ROBO1: variants seen among roughly 807,000 people sequenced by gnomAD.
ROBO1 encodes the protein roundabout guidance receptor 1.
Under a neutral mutation model 195.9 loss-of-function variants are expected in ROBO1, and 149 were observed. That is an observed-to-expected ratio of 0.76 (90% confidence interval 0.67 to 0.87). ROBO1 has a LOEUF of 0.87. ROBO1 is among the 40% of genes least tolerant of loss of function. ROBO1 has a pLI of 0.00. For synonymous variants in ROBO1, 816 were observed against 733.2 expected (o/e 1.11, Z -1.82); for missense variants, 1,933 against 2,068.3 (o/e 0.93, Z 1.27).
chr3:79,388,933 C>T lies in ROBO1; in HGVS notation c.88+200891G>A, dbSNP rs78110165. Among the ~76,000 whole-genome samples, 168 of 152,068 alleles carry T rather than the reference C, an allele frequency of 1.1e-3. 3 individuals carry two copies. The East Asian group carries it at 0.025, about 23-fold the overall frequency. ...ATAAATCTTTAAAAATTAAAAACAA[C>T]GTATTTGTTAATGCCAGCATAATTT... is the stretch of plus-strand genomic sequence containing the variant. On this transcript the variant is annotated intron_variant, in intron 2 of 30. Transcript: ENST00000464233.
At chr3:78,997,532 G>A (rs972131848) in intron 3 of ROBO1, among the ~76,000 whole-genome samples, 3 of 152,088 alleles carry the variant, frequency 2.0e-5, no homozygotes, top group African/African-American at 7.2e-5. Context: ...ATTGAAGCAG[G>A]AGACACTGTA....
intron 2 of ROBO1, among the ~76,000 whole-genome samples, chr3:79,543,851 G>T (rs1156537970): frequency 6.6e-6 from 1 of 152,062 alleles, no homozygotes; most frequent in African/African-American, 2.4e-5. Flanking sequence ...GTACTTATGT[G>T]TATGCAAATG....
intron 2 of ROBO1, among the ~76,000 whole-genome samples, chr3:79,148,324 A>C (rs971735935): frequency 6.6e-6 from 1 of 151,864 alleles, no homozygotes; most frequent in African/African-American, 2.4e-5. Context: ...AATATTATAA[A>C]AAGTATACCA....
At chr3:79,296,385 C>T (rs970794573) in intron 2 of ROBO1, among the ~76,000 whole-genome samples, 2 of 152,048 alleles carry the variant, frequency 1.3e-5, no homozygotes, top group East Asian at 3.9e-4. Context: ...GATATACAAA[C>T]CTTAAATAAT....
At chr3:79,707,063 C>T (rs1947794290) in intron 1 of ROBO1, among the ~76,000 whole-genome samples, 1 of 152,060 alleles carries the variant, frequency 6.6e-6, no homozygotes, top group South Asian at 2.1e-4. Context: ...CTAAGAAAGA[C>T]TGTAGAGAAC....
At chr3:79,496,039 C>G (rs1281588774) in intron 2 of ROBO1, among the ~76,000 whole-genome samples, 2 of 151,662 alleles carry the variant, frequency 1.3e-5, no homozygotes, top group Admixed American at 1.3e-4. Context: ...ATGGTGAAAC[C>G]CCGTCTCTAC....
chr3:79,227,468 T>C (rs1202925270), intron 2 of ROBO1, among the ~76,000 whole-genome samples: 1 of 152,168 alleles, frequency 6.6e-6, no homozygotes, highest in Non-Finnish European at 1.5e-5. Context: ...ATCCATATAT[T>C]TCAGAGAATA....
At chr3:78,860,184 T>TAGAA (rs1553750311) in intron 4 of ROBO1, among the ~76,000 whole-genome samples, 2 of 147,706 alleles carry the variant, frequency 1.4e-5, no homozygotes, top group Non-Finnish European at 3.0e-5. Context: ...GATAGATAGA[T>TAGAA]GATAGATTGC....
At chr3:78,890,557 C>T (rs1328399757) in intron 4 of ROBO1, among the ~76,000 whole-genome samples, 3 of 152,102 alleles carry the variant, frequency 2.0e-5, no homozygotes, top group Non-Finnish European at 4.4e-5. Context: ...CTGATCAGCA[C>T]AAACTCTCAC....
chr3:79,367,344 T>C lies in ROBO1; in HGVS notation c.88+222480A>G, dbSNP rs79095571. On this transcript the variant is annotated intron_variant, in intron 2 of 30. Coordinates refer to ENST00000464233, the MANE Select transcript of ROBO1 (RefSeq NM_002941.4). Reference sequence around the variant, plus strand: ...GGGGCCACCTACAACAATTCCTTTCTGATATTAATCTCATTTTCAGACAAT... The same window carrying C: ...GGGGCCACCTACAACAATTCCTTTCCGATATTAATCTCATTTTCAGACAAT... Among the ~76,000 whole-genome samples, 285 of 152,346 alleles carry C rather than the reference T, an allele frequency of 1.9e-3. 1 individual carries two copies. Among genetic ancestry groups the C allele is most frequent in the Non-Finnish European group, 3.2e-3 (218 of 68,024 alleles).
chr3:79,467,173 G>A (rs1938007158), intron 2 of ROBO1, among the ~76,000 whole-genome samples: 2 of 152,016 alleles, frequency 1.3e-5, no homozygotes, highest in African/African-American at 4.8e-5. Context: ...AAGCATACAA[G>A]AAAATCCAGG....
At chr3:78,675,694 C>G (rs1180893089) in intron 10 of ROBO1, among the ~76,000 whole-genome samples, 1 of 152,160 alleles carries the variant, frequency 6.6e-6, no homozygotes, top group Non-Finnish European at 1.5e-5. Context: ...GTGGAGCCCA[C>G]CACAGCTCAA....
At chr3:79,671,393 T>A (rs1192143021) in intron 1 of ROBO1, among the ~76,000 whole-genome samples, 1 of 151,870 alleles carries the variant, frequency 6.6e-6, no homozygotes, top group Non-Finnish European at 1.5e-5. Flanking sequence ...GAATATCTAA[T>A]AAATTTTACC....
chr3:79,551,195 TTTA>T (rs1016740268), intron 2 of ROBO1, among the ~76,000 whole-genome samples: 3 of 151,938 alleles, frequency 2.0e-5, no homozygotes, highest in Non-Finnish European at 4.4e-5. Context: ...AAATTTTAAT[TTTA>T]TTATTATTAT....
chr3:79,086,100 T>C (rs899489635), intron 3 of ROBO1, among the ~76,000 whole-genome samples: 5 of 151,894 alleles, frequency 3.3e-5, no homozygotes, highest in African/African-American at 1.2e-4. Context: ...AATTAGGTAA[T>C]TAACAAATGG....
intron 2 of ROBO1, among the ~76,000 whole-genome samples, chr3:79,530,755 CCACA>C (rs59568172): frequency 0.13 from 16,668 of 127,936 alleles, 991 homozygotes; most frequent in South Asian, 0.21. Context: ...CACCTTGTAA[CCACA>C]CACACACACA....
intron 17 of ROBO1, among the ~76,000 whole-genome samples, chr3:78,658,178 AGATTCATCAGTGAGTGATCTTCT>A (rs1553694163): frequency 6.6e-6 from 1 of 152,256 alleles, no homozygotes; most frequent in Non-Finnish European, 1.5e-5. Context: ...TTTCACTAAC[AGATTCATCAGTGAGTGATCTTCT>A]GCGATGTTTA....
chr3:78,675,113 A>C (rs998841552), intron 10 of ROBO1, among the ~76,000 whole-genome samples: 1 of 152,058 alleles, frequency 6.6e-6, no homozygotes, highest in Non-Finnish European at 1.5e-5. Flanking sequence ...ATACTCACTT[A>C]ACCAAAAGCT....
intron 1 of ROBO1, among the ~76,000 whole-genome samples, chr3:79,609,010 G>A (rs1448122795): frequency 6.6e-6 from 1 of 151,876 alleles, no homozygotes; most frequent in Admixed American, 6.6e-5. Flanking sequence ...ATAAGCCTTA[G>A]CATTCGTCCC....
Sources: gnomAD v4.1 joint callset for allele counts (sites outside exome capture counted in the v4.1 genomes callset) on GRCh38, gnomAD v4.1.1 for gene constraint, MANE v1.5 for transcripts, NCBI Gene and HGNC (gene_info 2026-07-23, HGNC 2026-07-21) for gene names.